Variants in FTCDNL1 observed in about 807,000 individuals in gnomAD.
The protein encoded by FTCDNL1 is formiminotransferase cyclodeaminase N-terminal like.
A neutral mutation model predicts 5.9 loss-of-function variants in FTCDNL1; 11 were observed. The observed-to-expected ratio is 1.87, with a 90% CI of 1.18 to 3.10. FTCDNL1 has a LOEUF of 3.10. FTCDNL1 is among the 30% of genes most tolerant of loss of function. The probability of loss-of-function intolerance (pLI) is 0.00; values close to 1 mark genes in which losing one functional copy is unlikely to be tolerated. For synonymous variants in FTCDNL1, 58 were observed against 24.8 expected (o/e 2.34, Z -3.99); for missense variants, 115 against 65.5 (o/e 1.76, Z -2.61).
chr2:199,688,997 C>A, the FTCDNL1 span, among the ~76,000 whole-genome samples: 19 of 152,170 alleles, frequency 1.2e-4, no homozygotes, highest in Non-Finnish European at 2.8e-4. Context: ...TGCAGTGAAC[C>A]AAGATCATGC....
chr2:199,664,859 T>C, the FTCDNL1 span, among the ~76,000 whole-genome samples: 1 of 152,148 alleles, frequency 6.6e-6, no homozygotes, highest in African/African-American at 2.4e-5. Context: ...TGGAGCTCAT[T>C]TCTGCATAAA....
At chr2:199,820,115 A>T (rs753235344) in intron 3 of FTCDNL1, among the ~76,000 whole-genome samples, 5 of 152,244 alleles carry the variant, frequency 3.3e-5, no homozygotes, top group Non-Finnish European at 7.3e-5. Context: ...TGGTGCCTTC[A>T]ATTTTTGAAC....
intron 3 of FTCDNL1, among the ~76,000 whole-genome samples, chr2:199,778,796 A>T (rs1407820432): frequency 6.6e-6 from 1 of 152,200 alleles, no homozygotes; most frequent in Non-Finnish European, 1.5e-5. Flanking sequence ...AAACATGTTC[A>T]TTGCTTTATA....
chr2:199,796,742 T>G (rs746237794), intron 3 of FTCDNL1, among the ~76,000 whole-genome samples: 1 of 152,222 alleles, frequency 6.6e-6, no homozygotes, highest in Non-Finnish European at 1.5e-5. Context: ...CATGCAGTGG[T>G]TTCCTTTTGT....
At chr2:199,744,276 C>T in the FTCDNL1 span, among the ~76,000 whole-genome samples, 23 of 152,224 alleles carry the variant, frequency 1.5e-4, no homozygotes, top group African/African-American at 5.5e-4. Context: ...AAACCTGAAC[C>T]CTCAATGTGA....
intron 3 of FTCDNL1, among the ~76,000 whole-genome samples, chr2:199,795,751 G>A (rs1446745303): frequency 2.0e-5 from 3 of 152,126 alleles, no homozygotes; most frequent in South Asian, 2.1e-4. Context: ...GAGCAGGGGG[G>A]CCCTCTGTGC....
At chr2:199,788,586 A>T (rs1699771967) in intron 3 of FTCDNL1, among the ~76,000 whole-genome samples, 1 of 152,182 alleles carries the variant, frequency 6.6e-6, no homozygotes, top group Non-Finnish European at 1.5e-5. Context: ...GCTATTACAA[A>T]AAAAGGGCTA....
At chr2:199,669,475 G>C in the FTCDNL1 span, among the ~76,000 whole-genome samples, 1 of 152,102 alleles carries the variant, frequency 6.6e-6, no homozygotes, top group South Asian at 2.1e-4. Context: ...TACTGGAACT[G>C]ATCATTTTTC....
At position 199,848,988 on chromosome 2, in the gene FTCDNL1, T is replaced by G. The variant is rs1017335705; in HGVS notation, c.-7-19A>C. 2.1e-5 allele frequency: 15 copies of G among 697,730 alleles called. No individual in the cohort carries two copies. Among genetic ancestry groups the G allele is most frequent in the Admixed American group, 1.8e-4 (9 of 48,914 alleles). 43.2% of individuals were successfully genotyped at this position (697,730 alleles called of 1,614,324 possible). ...GATTTTTCTGGAATAGGAGAAAAAT[T>G]TTTATGTGTCTCTAGAGTTGATTCA... is the stretch of plus-strand genomic sequence containing the variant. On this transcript the variant is annotated intron_variant, in intron 1 of 4. Transcript: ENST00000420128.
At chr2:199,726,954 T>C in the FTCDNL1 span, among the ~76,000 whole-genome samples, 1 of 152,198 alleles carries the variant, frequency 6.6e-6, no homozygotes, top group Admixed American at 6.5e-5. Context: ...TGCACTGTGC[T>C]GGGGGAATCC....
At chr2:199,708,959 G>A in the FTCDNL1 span, among the ~76,000 whole-genome samples, 1 of 151,978 alleles carries the variant, frequency 6.6e-6, no homozygotes, top group African/African-American at 2.4e-5. Context: ...GTTTCTGTTT[G>A]CCAAAACTCA....
chr2:199,680,140 C>T, the FTCDNL1 span, among the ~76,000 whole-genome samples: 5 of 152,022 alleles, frequency 3.3e-5, no homozygotes, highest in South Asian at 4.1e-4. Flanking sequence ...AAAAGTAATG[C>T]GCTTAGGTTA....
intron 3 of FTCDNL1, among the ~76,000 whole-genome samples, chr2:199,766,225 C>T (rs1051049472): frequency 1.1e-4 from 17 of 152,180 alleles, no homozygotes; most frequent in African/African-American, 3.6e-4. Flanking sequence ...GGTTTGAGAA[C>T]AGTGCAATTT....
At chr2:199,785,249 C>CTTTTT (rs61047289) in intron 3 of FTCDNL1, among the ~76,000 whole-genome samples, 2,011 of 76,688 alleles carry the variant, frequency 0.026, 243 homozygotes, top group African/African-American at 0.033. Context: ...TTCCAAATTC[C>CTTTTT]TTTTTTTTTT....
the FTCDNL1 span, among the ~76,000 whole-genome samples, chr2:199,745,466 C>T: frequency 7.9e-5 from 12 of 152,156 alleles, no homozygotes; most frequent in Non-Finnish European, 1.5e-4. Flanking sequence ...AAGTGAATAA[C>T]ATTGTCATTA....
chr2:199,687,942 G>A, the FTCDNL1 span, among the ~76,000 whole-genome samples: 4 of 152,080 alleles, frequency 2.6e-5, no homozygotes, highest in East Asian at 1.9e-4. Context: ...ATGGAACCAC[G>A]ATTTAAAGTG....
chr2:199,759,021 T>A (rs1445223056), downstream of FTCDNL1, among the ~76,000 whole-genome samples: 2 of 152,182 alleles, frequency 1.3e-5, no homozygotes, highest in African/African-American at 4.8e-5. Context: ...GTGTAATATT[T>A]GTTTTTAAAA....
the FTCDNL1 span, among the ~76,000 whole-genome samples, chr2:199,703,199 T>TC: frequency 1.3e-5 from 2 of 150,572 alleles, no homozygotes; most frequent in Admixed American, 6.6e-5. Context: ...ATGCTATCCC[T>TC]CCCCCCTGCC....
the FTCDNL1 span, among the ~76,000 whole-genome samples, chr2:199,686,044 A>G: frequency 6.6e-6 from 1 of 152,210 alleles, no homozygotes; most frequent in South Asian, 2.1e-4. Flanking sequence ...TAATAACTGG[A>G]ATCTAATGTG....
Sources: allele counts gnomAD v4.1 joint callset (sites outside exome capture counted in the v4.1 genomes callset), GRCh38; gene constraint gnomAD v4.1.1; transcripts MANE v1.5; gene names NCBI Gene and HGNC (gene_info 2026-07-23, HGNC 2026-07-21).